Variants in DPY19L1 observed in about 807,000 individuals in gnomAD.
The protein encoded by DPY19L1 is dpy-19 like C-mannosyltransferase 1.
DPY19L1 carries 35 observed loss-of-function variants against 96.9 expected under a neutral mutation model. That is an observed-to-expected ratio of 0.36 (90% CI 0.28 to 0.48). The LOEUF (loss-of-function observed/expected upper bound fraction) is 0.48, where lower values mean the gene tolerates loss of function less well. Ranked by LOEUF, DPY19L1 falls within the 20% of genes least tolerant of loss-of-function variation. The pLI is 0.99. For missense variants in DPY19L1, 521 were observed against 777.9 expected, an observed-to-expected ratio of 0.67 and a Z score of 3.93; for synonymous variants, 205 against 252.6, an observed-to-expected ratio of 0.81 and a Z score of 1.79.
intron 13 of DPY19L1, among the ~76,000 whole-genome samples, chr7:34,952,470 G>A (rs1479703617): frequency 6.6e-6 from 1 of 152,156 alleles, no homozygotes; most frequent in Admixed American, 6.5e-5. Context: ...ATTTAAGGAA[G>A]AGATAATACC....
chr7:35,006,256 TTCC>T (rs561249847), intron 6 of DPY19L1, among the ~76,000 whole-genome samples: 3 of 152,218 alleles, frequency 2.0e-5, no homozygotes, highest in African/African-American at 4.8e-5. Context: ...CAATCTATTC[TTCC>T]TCAACAATGC....
intron 6 of DPY19L1, among the ~76,000 whole-genome samples, chr7:35,007,768 T>C (rs1266304996): frequency 6.6e-6 from 1 of 152,178 alleles, no homozygotes; most frequent in Non-Finnish European, 1.5e-5. Flanking sequence ...TAATAAGTGA[T>C]GCCCTGCAAT....
At chr7:34,931,819 C>G in intron 21 of DPY19L1, 90 bp from the exon 22 acceptor site, 2 of 1,455,186 alleles carry the variant, frequency 1.4e-6, no homozygotes, top group Non-Finnish European at 1.8e-6. Flanking sequence ...GACCTCAATT[C>G]CTTTTTTCCC....
chr7:35,017,794 G>A, intron 3 of DPY19L1, 88 bp downstream of exon 3: 1 of 1,058,418 alleles, frequency 9.4e-7, no homozygotes, highest in Non-Finnish European at 1.3e-6. Flanking sequence ...TTTCTACTTT[G>A]GAACATCTTG....
At position 34,930,729 on chromosome 7, in the gene DPY19L1, G is replaced by GT. The variant is rs1029931542; in HGVS notation, c.*843dup. On this transcript the variant is annotated 3_prime_UTR_variant, in exon 22 of 22. Coordinates refer to ENST00000638088, the MANE Select transcript of DPY19L1 (RefSeq NM_001366673.1). ...TTAAACATGAAAAAACTTTAAAGTGGTTTAAAGGTATTAAAATATAAACAT... is the reference window on the plus strand; with the variant it reads ...TTAAACATGAAAAAACTTTAAAGTGGTTTTAAAGGTATTAAAATATAAACAT... The GT allele has an allele frequency of 8.5e-5, 13 of 152,078 alleles. No individual in the cohort carries two copies. Among genetic ancestry groups the GT allele is most frequent in the Non-Finnish European group, 1.8e-4 (12 of 68,016 alleles). 9.4% of individuals were successfully genotyped at this position (152,078 alleles called of 1,614,324 possible).
At chr7:34,958,501 T>C (rs1784425643) in intron 10 of DPY19L1, among the ~76,000 whole-genome samples, 1 of 152,260 alleles carries the variant, frequency 6.6e-6, no homozygotes, top group Non-Finnish European at 1.5e-5. Flanking sequence ...TTAAGTGCTT[T>C]CCACTTCTAT....
intron 8 of DPY19L1, among the ~76,000 whole-genome samples, chr7:34,970,959 A>G (rs1002184126): frequency 2.0e-5 from 3 of 152,198 alleles, no homozygotes; most frequent in Non-Finnish European, 4.4e-5. Flanking sequence ...GGACAAAACC[A>G]ATTTGTTAAA....
intron 13 of DPY19L1, among the ~76,000 whole-genome samples, chr7:34,951,758 A>T (rs1433378655): frequency 6.6e-6 from 1 of 151,986 alleles, no homozygotes; most frequent in South Asian, 2.1e-4. Context: ...AAAATATTAA[A>T]ACAATAGACC....
chr7:35,035,035 C>T (rs950632013), intron 1 of DPY19L1, among the ~76,000 whole-genome samples: 4 of 152,256 alleles, frequency 2.6e-5, no homozygotes, highest in African/African-American at 7.2e-5. Context: ...AGGGCATAAT[C>T]GTGGGGAAGA....
chr7:34,959,231 T>C (rs1227702465), intron 10 of DPY19L1, among the ~76,000 whole-genome samples: 1 of 152,188 alleles, frequency 6.6e-6, no homozygotes, highest in Non-Finnish European at 1.5e-5. Context: ...CTGTAGATGA[T>C]GTGGAGAAAT....
At chr7:35,027,185 CA>C (rs776652884) in intron 1 of DPY19L1, among the ~76,000 whole-genome samples, 2 of 151,066 alleles carry the variant, frequency 1.3e-5, no homozygotes, top group Admixed American at 6.6e-5. Flanking sequence ...GCCTGGGCAA[CA>C]AGAGCAAAAC....
Position 34,954,798 on chromosome 7 carries a change from A to G in DPY19L1, c.1240-20T>C, listed in dbSNP as rs1338920183. On this transcript the variant is annotated intron_variant, in intron 12 of 21. Coordinates refer to ENST00000638088, the MANE Select transcript of DPY19L1 (RefSeq NM_001366673.1). The stretch of plus-strand genomic sequence containing the variant: ...AATAACCTAAACAAAAGAAAACAAA[A>G]ATAACTTTGATGCTTCATATTCCAC... 1 of 1,395,478 alleles carries G rather than the reference A, an allele frequency of 7.2e-7. No homozygotes were observed. Among genetic ancestry groups the G allele is most frequent in the Non-Finnish European group, 9.9e-7 (1 of 1,011,396 alleles). The allele number at this position is 1,395,478 out of a possible 1,614,324, so 86.4% of individuals were successfully genotyped here.
intron 1 of DPY19L1, among the ~76,000 whole-genome samples, chr7:35,025,061 T>A (rs1471644288): frequency 2.6e-5 from 4 of 152,234 alleles, no homozygotes; most frequent in Non-Finnish European, 4.4e-5. Flanking sequence ...GGTAAATATC[T>A]ATTTTTATAT....
intron 21 of DPY19L1, among the ~76,000 whole-genome samples, chr7:34,936,885 C>T (rs1007270677): frequency 2.0e-5 from 3 of 152,140 alleles, no homozygotes; most frequent in African/African-American, 2.4e-5. Context: ...CCATATGTGT[C>T]ATTGAAATAT....
At chr7:34,992,706 G>A (rs545706823) in intron 6 of DPY19L1, among the ~76,000 whole-genome samples, 37 of 151,730 alleles carry the variant, frequency 2.4e-4, no homozygotes, top group African/African-American at 8.2e-4. Flanking sequence ...CCCTGCCTTC[G>A]TAGTTAATAA....
Position 34,955,480 on chromosome 7 carries a change from T to C in DPY19L1, c.1180-113A>G, listed in dbSNP as rs1412817101. 2.2e-6 allele frequency: 3 copies of C among 1,373,392 alleles called. No homozygotes were observed. In the South Asian group the frequency reaches 4.1e-5, roughly 19 times the overall value. 85.1% of individuals were successfully genotyped at this position (1,373,392 alleles called of 1,614,324 possible). On this transcript the variant is annotated intron_variant, in intron 11 of 21. Transcript: ENST00000638088. Reference sequence around the variant, plus strand: ...TCTCAAGTATCTAAAATTTAGCACATGGTTGACTTTCCACATACCATCCAC... The same window carrying C: ...TCTCAAGTATCTAAAATTTAGCACACGGTTGACTTTCCACATACCATCCAC...
chr7:34,949,695 C>T, intron 14 of DPY19L1, 102 bp downstream of exon 14: 1 of 730,030 alleles, frequency 1.4e-6, no homozygotes, highest in South Asian at 1.8e-5. Context: ...TTCCTTCAAA[C>T]TGAGATAACA....
rs188978815 is a variant in DPY19L1 at position 34,974,278 on chromosome 7, C to T, written c.823-673G>A. ...GACTAAACATATTAGTAAGTTCATCCTTCCATCGACAGAAAACCGCATACA... is the reference window on the plus strand; with the variant it reads ...GACTAAACATATTAGTAAGTTCATCTTTCCATCGACAGAAAACCGCATACA... On this transcript the variant is annotated intron_variant, in intron 7 of 21. Transcript: ENST00000638088. Among the ~76,000 whole-genome samples the T allele has an allele frequency of 3.9e-4, 60 of 152,254 alleles. 1 individual carries two copies. The highest frequency in any genetic ancestry group is 1.3e-3 in the African/African-American group (52 of 41,546).
chr7:35,030,968 A>G (rs1296638263), intron 1 of DPY19L1, among the ~76,000 whole-genome samples: 1 of 152,230 alleles, frequency 6.6e-6, no homozygotes, highest in African/African-American at 2.4e-5. Context: ...AACAGTAACT[A>G]AATAAAACTA....
Sources: gnomAD v4.1 joint callset for allele counts (sites outside exome capture counted in the v4.1 genomes callset) on GRCh38, gnomAD v4.1.1 for gene constraint, MANE v1.5 for transcripts, NCBI Gene and HGNC (gene_info 2026-07-23, HGNC 2026-07-21) for gene names.